Variants in EBF1 observed in about 807,000 individuals in gnomAD.
EBF1 encodes EBF transcription factor 1.
Under a neutral mutation model 68.4 loss-of-function variants are expected in EBF1, and 10 were observed. The observed-to-expected ratio is 0.15, with a 90% CI of 0.09 to 0.25. The LOEUF (loss-of-function observed/expected upper bound fraction) is 0.25. Ranked by LOEUF, EBF1 falls within the 10% of genes least tolerant of loss-of-function variation. The probability of loss-of-function intolerance (pLI) is 1.00; values close to 1 mark genes in which losing one functional copy is unlikely to be tolerated. For missense variants in EBF1, 509 were observed against 794.4 expected (o/e 0.64, Z 4.32); for synonymous variants, 298 against 299.8 (o/e 0.99, Z 0.06).
At chr5:158,721,948 G>A (rs1762017775) in intron 11 of EBF1, among the ~76,000 whole-genome samples, 1 of 150,904 alleles carries the variant, frequency 6.6e-6, no homozygotes. Flanking sequence ...TCTAAATGGT[G>A]TCATGGTAAT....
intron 6 of EBF1, among the ~76,000 whole-genome samples, chr5:159,015,764 T>C (rs1421245473): frequency 6.6e-6 from 1 of 152,232 alleles, no homozygotes; most frequent in African/African-American, 2.4e-5. Flanking sequence ...TCCAACCACC[T>C]GGAGTTGTGC....
intron 10 of EBF1, among the ~76,000 whole-genome samples, chr5:158,741,945 A>G (rs1766500508): frequency 1.3e-5 from 2 of 152,206 alleles, no homozygotes; most frequent in South Asian, 4.1e-4. Context: ...AGGAGGTACT[A>G]TCATTATTCC....
At chr5:158,915,215 A>C (rs1806897159) in intron 6 of EBF1, among the ~76,000 whole-genome samples, 1 of 152,190 alleles carries the variant, frequency 6.6e-6, no homozygotes, top group Admixed American at 6.5e-5. Flanking sequence ...ACAGCCTCGG[A>C]GGGCGATGGG....
chr5:158,967,864 C>A (rs1317406100), intron 6 of EBF1, among the ~76,000 whole-genome samples: 2 of 152,150 alleles, frequency 1.3e-5, no homozygotes, highest in Non-Finnish European at 2.9e-5. Context: ...GCTGAAATTT[C>A]CCAAACTCAG....
intron 6 of EBF1, among the ~76,000 whole-genome samples, chr5:158,903,880 C>T (rs1803980002): frequency 6.6e-6 from 1 of 152,054 alleles, no homozygotes; most frequent in Non-Finnish European, 1.5e-5. Context: ...GGTAATCCTT[C>T]CCCACCCCGT....
rs1246422342 is a variant in EBF1 at position 158,696,889 on chromosome 5, A to ATTTC, written c.*2218_*2221dup. 41 of 195,392 alleles carry ATTTC rather than the reference A, an allele frequency of 2.1e-4. No individual in the cohort carries two copies. Among genetic ancestry groups the ATTTC allele is most frequent in the African/African-American group, 8.0e-4 (34 of 42,584 alleles). 12.1% of individuals were successfully genotyped at this position (195,392 alleles called of 1,614,324 possible). On this transcript the variant is annotated 3_prime_UTR_variant, in exon 16 of 16. Coordinates refer to ENST00000313708, the MANE Select transcript of EBF1 (RefSeq NM_024007.5). ...CAAAACAGTTCTTTTGTGCTTTTCGATTTCTTTGTTTTTTTTTTTTTCTTT... is the reference window on the plus strand; with the variant it reads ...CAAAACAGTTCTTTTGTGCTTTTCGATTTCTTTCTTTGTTTTTTTTTTTTTCTTT...
intron 15 of EBF1, among the ~76,000 whole-genome samples, chr5:158,707,201 G>A (rs1323247171): frequency 3.9e-5 from 6 of 152,204 alleles, no homozygotes; most frequent in East Asian, 1.9e-4. Context: ...GAATGAGGTT[G>A]TGCAGGTCTC....
Position 159,028,519 on chromosome 5 carries a change from G to A in EBF1, c.554+44877C>T, listed in dbSNP as rs187245009. Reference sequence around the variant, plus strand: ...GGTGAGCAAGAAGGATAAGGTACCCGTTCACACAGAATTGCCATTCTACGG... The same window carrying A: ...GGTGAGCAAGAAGGATAAGGTACCCATTCACACAGAATTGCCATTCTACGG... On this transcript the variant is annotated intron_variant, in intron 6 of 15. Transcript: ENST00000313708. 7.9e-5 allele frequency among the ~76,000 whole-genome samples: 12 copies of A among 152,242 alleles called. No individual in the cohort carries two copies. In the East Asian group the frequency reaches 9.6e-4, roughly 12 times the overall value.
chr5:159,061,378 G>T lies in EBF1; in HGVS notation c.554+12018C>A, dbSNP rs369123614. On this transcript the variant is annotated intron_variant, in intron 6 of 15. Coordinates refer to ENST00000313708, the MANE Select transcript of EBF1 (RefSeq NM_024007.5). ...TCTATGACTGCACACTTTCACAGAGGCAGCAACGAGAATTTGATTGTGGAG... is the reference window on the plus strand; with the variant it reads ...TCTATGACTGCACACTTTCACAGAGTCAGCAACGAGAATTTGATTGTGGAG... Among the ~76,000 whole-genome samples the T allele has an allele frequency of 3.4e-4, 51 of 152,034 alleles. No individual in the cohort carries two copies. The East Asian group carries it at 8.9e-3, about 26-fold the overall frequency.
At chr5:158,814,047 A>T (rs999095064) in intron 8 of EBF1, among the ~76,000 whole-genome samples, 2 of 152,204 alleles carry the variant, frequency 1.3e-5, no homozygotes, top group African/African-American at 4.8e-5. Context: ...AGACAAAAAA[A>T]ATTAGGCTTA....
intron 6 of EBF1, among the ~76,000 whole-genome samples, chr5:158,958,417 G>A (rs185477267): frequency 2.6e-5 from 4 of 152,110 alleles, no homozygotes; most frequent in African/African-American, 7.2e-5. Context: ...TTCAGGAAGC[G>A]GCCTTAGAGT....
rs1783243337 is a variant in EBF1 at position 159,099,432 on chromosome 5, T to C, written c.47A>G (p.Lys16Arg). 1 of 1,599,966 alleles carries C rather than the reference T, an allele frequency of 6.3e-7. No individual in the cohort carries two copies. Among genetic ancestry groups the C allele is most frequent in the Admixed American group, 1.7e-5 (1 of 58,560 alleles). The change falls in exon 1 of 16, where the codon AAG (lysine) becomes AGG (arginine). Residue 16 changes from lysine to arginine, a missense_variant. Lys to Arg is a conservative substitution (Grantham distance 26). Around this residue, in one of 3 missense-constraint regions of EBF1, gnomAD observed 74 missense variants for 79.4 expected, o/e 0.93. Transcript: ENST00000313708. ...ESIQRSGSSM[K>R]EEPLGSGMNA... ...CATGCCGCTGCCCAGCGGCTCTTCC[T>C]TCATGCTGCTTCCACTCCGTTGGAT...
At chr5:158,968,717 T>A (rs1366547839) in intron 6 of EBF1, among the ~76,000 whole-genome samples, 3 of 152,214 alleles carry the variant, frequency 2.0e-5, no homozygotes, top group African/African-American at 7.2e-5. Flanking sequence ...TATGATCAAC[T>A]TGTCTTTTAT....
At chr5:158,868,599 C>T (rs563279272) in intron 6 of EBF1, among the ~76,000 whole-genome samples, 8 of 152,286 alleles carry the variant, frequency 5.3e-5, no homozygotes, top group East Asian at 3.9e-4. Flanking sequence ...AACTGAGCAA[C>T]GTCTGATGCT....
At chr5:158,917,944 T>A (rs1807577123) in intron 6 of EBF1, among the ~76,000 whole-genome samples, 1 of 152,048 alleles carries the variant, frequency 6.6e-6, no homozygotes, top group Non-Finnish European at 1.5e-5. Context: ...GCCTTCATCG[T>A]GGGTCCCTTT....
In EBF1 at chr5:158,796,565, T is replaced by C. The variant is rs887515613; in HGVS notation, c.779-90A>G. 9 of 1,390,066 alleles carry C rather than the reference T, an allele frequency of 6.5e-6. No individual in the cohort carries two copies. In the African/African-American group the frequency reaches 7.2e-5, roughly 11 times the overall value. The allele number at this position is 1,390,066 out of a possible 1,614,324, so 86.1% of individuals were successfully genotyped here. A position where few individuals can be genotyped will look rare whatever the true frequency, so the allele number is the denominator to read the frequency against. ...GACTTGAGAAAAAGGAAAAAAAAAA[T>C]CTTTTATCTTTTCACTAACAGAAAG... On this transcript the variant is annotated intron_variant, in intron 8 of 15. Coordinates refer to ENST00000313708, the MANE Select transcript of EBF1 (RefSeq NM_024007.5).
chr5:158,736,661 C>G (rs1464977714), intron 10 of EBF1, among the ~76,000 whole-genome samples: 1 of 152,170 alleles, frequency 6.6e-6, no homozygotes, highest in African/African-American at 2.4e-5. Context: ...CATATTTGAA[C>G]TAAAGGAGTA....
intron 6 of EBF1, 53 bp downstream of exon 6, chr5:159,073,343 G>T: frequency 1.9e-6 from 3 of 1,578,396 alleles, no homozygotes; most frequent in Non-Finnish European, 2.6e-6. Flanking sequence ...ACAAGGGCAG[G>T]TGTTTCATTA....
At chr5:159,093,739 G>C (rs115938531) in intron 4 of EBF1, among the ~76,000 whole-genome samples, 6,715 of 152,152 alleles carry the variant, frequency 0.044, 303 homozygotes, top group African/African-American at 0.12. Context: ...TTTGACTAGA[G>C]AGACTTAAAA....
Sources: gnomAD v4.1 joint callset for allele counts (sites outside exome capture counted in the v4.1 genomes callset) on GRCh38, gnomAD v4.1.1 for gene constraint, gnomAD v4.1.1 regional missense constraint, MANE v1.5 for transcripts, NCBI Gene and HGNC (gene_info 2026-07-23, HGNC 2026-07-21) for gene names.